The following LRP2 variants were observed in gnomAD, a reference collection of about 807,000 sequenced individuals.
The protein encoded by LRP2 is low-density lipoprotein receptor-related protein 2.
Under a neutral mutation model 531.0 loss-of-function variants are expected in LRP2, and 172 were observed. That is an observed-to-expected ratio of 0.32 (90% CI 0.29 to 0.37). The LOEUF (loss-of-function observed/expected upper bound fraction) is 0.37. LRP2 is among the 10% of genes least tolerant of loss of function. The pLI is 1.00. For synonymous variants in LRP2, 1,992 were observed against 2,027.6 expected, an observed-to-expected ratio of 0.98 and a Z score of 0.47; for missense variants, 5,167 against 5,868.3, an observed-to-expected ratio of 0.88 and a Z score of 3.90.
intron 9 of LRP2, among the ~76,000 whole-genome samples, chr2:169,288,189 AG>A (rs1683907677): frequency 6.6e-6 from 1 of 152,172 alleles, no homozygotes; most frequent in South Asian, 2.1e-4. Flanking sequence ...ATCAGATAGA[AG>A]GAAAAAAGAT....
Position 169,207,006 on chromosome 2 carries a change from G to T in LRP2, c.6714C>A (p.Gly2238=), listed in dbSNP as rs1413350188. 6.2e-7 allele frequency: 1 copy of T among 1,614,212 alleles called. No individual in the cohort carries two copies. The highest frequency in any genetic ancestry group is 1.7e-5 in the Admixed American group (1 of 60,018). ...AGCCATCACTTCGGTCCACTGCCAA[G>T]CCCCGTGGTGTGACAATGCCCTCTG... The part of the protein sequence containing the change: ...LVSEGIVTPR[G]LAVDRSDGYV... Residue 2238 remains glycine, a synonymous_variant, in exon 39 of 79, where the codon GGC becomes GGA. Coordinates refer to ENST00000649046, the MANE Select transcript of LRP2 (RefSeq NM_004525.3).
intron 1 of LRP2, among the ~76,000 whole-genome samples, chr2:169,355,817 A>T (rs569502220): frequency 6.6e-6 from 1 of 152,310 alleles, no homozygotes; most frequent in African/African-American, 2.4e-5. Flanking sequence ...GAAATTGCCA[A>T]TATTTGACTA....
intron 22 of LRP2, among the ~76,000 whole-genome samples, chr2:169,243,989 T>G (rs1489161149): frequency 1.3e-5 from 2 of 152,216 alleles, no homozygotes; most frequent in Admixed American, 1.3e-4. Flanking sequence ...CCTACCTTAC[T>G]GTTAAGACCA....
chr2:169,308,609 A>G (rs1271922494), intron 3 of LRP2, among the ~76,000 whole-genome samples: 3 of 152,088 alleles, frequency 2.0e-5, no homozygotes, highest in Non-Finnish European at 4.4e-5. Flanking sequence ...CATTTTCTTA[A>G]TCCAGTGTAT....
chr2:169,137,527 G>A (rs1430763380), intron 75 of LRP2, 34 bp from the exon 76 acceptor site: 1 of 1,327,388 alleles, frequency 7.5e-7, no homozygotes, highest in Non-Finnish European at 1.1e-6. Flanking sequence ...GAGAGAGAGA[G>A]AGAGAGAAAC....
chr2:169,301,289 T>G, intron 4 of LRP2, among the ~76,000 whole-genome samples: 1 of 152,114 alleles, frequency 6.6e-6, no homozygotes, highest in Non-Finnish European at 1.5e-5. Flanking sequence ...TTGAATGACC[T>G]ATAATTGCTG....
At chr2:169,353,375 G>T (rs975274044) in intron 1 of LRP2, among the ~76,000 whole-genome samples, 2 of 152,140 alleles carry the variant, frequency 1.3e-5, no homozygotes, top group East Asian at 3.9e-4. Flanking sequence ...ACTTAGGGGG[G>T]AGTAGGGTCA....
At chr2:169,139,129 C>T (rs1685624822) in intron 74 of LRP2, 122 bp downstream of exon 74, 1 of 1,430,276 alleles carries the variant, frequency 7.0e-7, no homozygotes, top group Admixed American at 1.7e-5. Flanking sequence ...CTTTTTGTTT[C>T]TGTGGAATCG....
chr2:169,187,975 C>G lies in LRP2; in HGVS notation c.9323G>C (p.Gly3108Ala). 1 of 1,614,064 alleles carries G rather than the reference C, an allele frequency of 6.2e-7. No individual in the cohort carries two copies. Among genetic ancestry groups the G allele is most frequent in the Non-Finnish European group, 8.5e-7 (1 of 1,179,976 alleles). ...AAATCCTCTGTTGTACTCACCACAG[C>G]CTTTCTCATCGCTGTTGTCCAAACA... ...DDCLDNSDEK[G>A]CGINECHDPS... is the part of the protein sequence containing the mutation. Residue 3108 changes from glycine to alanine, a missense_variant, in exon 49 of 79, where the codon GGC (glycine) becomes GCC (alanine). By Grantham distance (60) the Gly-to-Ala change is moderately conservative (BLOSUM62 0). Coordinates refer to ENST00000649046, the MANE Select transcript of LRP2 (RefSeq NM_004525.3).
At chr2:169,200,992 A>G (rs905030520) in intron 44 of LRP2, among the ~76,000 whole-genome samples, 1 of 152,226 alleles carries the variant, frequency 6.6e-6, no homozygotes, top group Non-Finnish European at 1.5e-5. Context: ...CACCTCTGAA[A>G]TACTCTTACC....
At chr2:169,153,185 G>C (rs1686208552) in intron 66 of LRP2, among the ~76,000 whole-genome samples, 1 of 152,226 alleles carries the variant, frequency 6.6e-6, no homozygotes, top group Admixed American at 6.5e-5. Context: ...AACTTAGTGA[G>C]ATTTAGTCAT....
In LRP2 at chr2:169,131,101, A is replaced by G. The variant is rs189897923; in HGVS notation, c.13728+1473T>C. ...GGTTGACTCAGGCTTGGAGGACCAA[A>G]TATATGACATTCAAGCATCCGTGTG... On this transcript the variant is annotated intron_variant, in intron 77 of 78. Transcript: ENST00000649046. Among the ~76,000 whole-genome samples, 39 of 152,330 alleles carry G rather than the reference A, an allele frequency of 2.6e-4. 1 individual carries two copies. In the East Asian group the frequency reaches 7.3e-3, roughly 29 times the overall value.
chr2:169,239,885 G>T (rs537003191), intron 25 of LRP2, 110 bp from the exon 26 acceptor site: 3 of 929,756 alleles, frequency 3.2e-6, no homozygotes, highest in East Asian at 2.6e-5. Context: ...TCAATATGAT[G>T]CCCAGACAAG....
chr2:169,351,669 A>G (rs966569554), intron 1 of LRP2, among the ~76,000 whole-genome samples: 9 of 152,222 alleles, frequency 5.9e-5, no homozygotes. Context: ...GATATAAGGA[A>G]GCAAGAGAGG....
At chr2:169,362,235 G>A (rs1166658799) in intron 1 of LRP2, 86 bp downstream of exon 1, 2 of 1,190,984 alleles carry the variant, frequency 1.7e-6, no homozygotes, top group Non-Finnish European at 1.2e-6. Flanking sequence ...CTGCCCGGAC[G>A]CTCTCCCCTC....
chr2:169,178,090 G>A, intron 52 of LRP2, 64 bp from the exon 53 acceptor site: 1 of 1,191,782 alleles, frequency 8.4e-7, no homozygotes, highest in Non-Finnish European at 1.2e-6. Flanking sequence ...TGTCTTGCAG[G>A]ATAAAAGAAT....
rs368399662 is a variant in LRP2 at position 169,181,315 on chromosome 2, T to G, written c.10169+133A>C. 9 of 812,234 alleles carry G rather than the reference T, an allele frequency of 1.1e-5. No individual in the cohort carries two copies. The East Asian group carries it at 1.3e-4, about 12-fold the overall frequency. The allele number at this position is 812,234 out of a possible 1,614,324, so 50.3% of individuals were successfully genotyped here. A position where few individuals can be genotyped will look rare whatever the true frequency, so the allele number is the denominator to read the frequency against. On this transcript the variant is annotated intron_variant, in intron 52 of 78. Coordinates refer to ENST00000649046, the MANE Select transcript of LRP2 (RefSeq NM_004525.3). ...AGAGCTCAGCAGTTTTAGTTAGAAG[T>G]GTGACTTCCCCCGAATGACTTCCAA...
chr2:169,359,618 C>T (rs1686090020), intron 1 of LRP2, among the ~76,000 whole-genome samples: 1 of 152,098 alleles, frequency 6.6e-6, no homozygotes, highest in African/African-American at 2.4e-5. Flanking sequence ...AGAGGACATT[C>T]AGAGGAAATG....
At chr2:169,247,269 A>C (rs1690045073) in intron 20 of LRP2, 109 bp downstream of exon 20, 16 of 1,177,414 alleles carry the variant, frequency 1.4e-5, no homozygotes, top group Non-Finnish European at 1.9e-5. Flanking sequence ...ATATAAAACT[A>C]CCAGGAGCTA....
Sources: gnomAD v4.1 joint callset for allele counts (sites outside exome capture counted in the v4.1 genomes callset) on GRCh38, gnomAD v4.1.1 for gene constraint, MANE v1.5 for transcripts, NCBI Gene and HGNC (gene_info 2026-07-23, HGNC 2026-07-21) for gene names.